Variants in ZNF718 observed in about 807,000 individuals in gnomAD.
The protein encoded by ZNF718 is zinc finger protein 718.
Under a neutral mutation model 2.6 loss-of-function variants are expected in ZNF718, and 3 were observed. That is an observed-to-expected ratio of 1.16 (90% confidence interval 0.53 to 3.01). ZNF718 has a LOEUF of 3.01. Ranked by LOEUF, ZNF718 falls within the 30% of genes most tolerant of loss-of-function variation. ZNF718 has a pLI of 0.03. For missense variants in ZNF718, 468 were observed against 230.0 expected (o/e 2.03, Z -6.69); for synonymous variants, 135 against 77.9 (o/e 1.73, Z -3.86).
intron 3 of ZNF718, among the ~76,000 whole-genome samples, chr4:192,949 C>T (rs371987525): frequency 6.6e-6 from 1 of 152,106 alleles, no homozygotes; most frequent in East Asian, 1.9e-4. Flanking sequence ...ATGATTTGGC[C>T]ATCTGATGGG....
intron 3 of ZNF718, among the ~76,000 whole-genome samples, chr4:133,198 AT>A (rs1715402638): frequency 0.046 from 870 of 19,118 alleles, 64 homozygotes; most frequent in Non-Finnish European, 0.066. Flanking sequence ...AAAAAAAAAT[AT>A]ATATATATAT....
intron 3 of ZNF718, among the ~76,000 whole-genome samples, chr4:197,295 G>A (rs1717810570): frequency 6.6e-6 from 1 of 151,858 alleles, no homozygotes; most frequent in South Asian, 2.1e-4. Context: ...CTGTGAGGTG[G>A]TGCAAAATAG....
At chr4:128,248 A>G (rs1371211308) in intron 1 of ZNF718, among the ~76,000 whole-genome samples, 42,171 of 102,222 alleles carry the variant, frequency 0.41, 16,977 homozygotes, top group East Asian at 0.82. Flanking sequence ...TGAGAGGTCA[A>G]TGTAGACATC....
chr4:172,794 A>G (rs1342942562), intron 3 of ZNF718, among the ~76,000 whole-genome samples: 1 of 152,032 alleles, frequency 6.6e-6, no homozygotes, highest in Non-Finnish European at 1.5e-5. Flanking sequence ...GGTGACTCTC[A>G]CCTGTAATCC....
rs140665069 is a variant in ZNF718, at chr4:133,893, C to T, written c.226+2388C>T. Among the ~76,000 whole-genome samples the T allele has an allele frequency of 3.7e-3, 569 of 152,226 alleles. 3 individuals are homozygous for T. The highest frequency in any genetic ancestry group is 0.013 in the African/African-American group (543 of 41,538). ...TCAAGTTAGTGAACACATCTATTAC[C>T]TCAGGTAGATAACCAGTTTTTTTGT... On this transcript the variant is annotated intron_variant, in intron 3 of 3. Transcript: ENST00000510175.
downstream of ZNF718, among the ~76,000 whole-genome samples, chr4:165,845 G>A (rs545054693): frequency 7.8e-4 from 99 of 126,774 alleles, 1 homozygote; most frequent in African/African-American, 2.8e-3. Flanking sequence ...GATATTTTAC[G>A]TTCTTTTTTT....
At chr4:160,347 G>GCACAA (rs1383763582) in intron 3 of ZNF718, among the ~76,000 whole-genome samples, 1 of 152,094 alleles carries the variant, frequency 6.6e-6, no homozygotes, top group Non-Finnish European at 1.5e-5. Flanking sequence ...TCTTGGAATT[G>GCACAA]TGCTTACCTG....
intron 3 of ZNF718, chr4:150,273 G>C (rs1268938422): frequency 6.6e-6 from 1 of 152,014 alleles, no homozygotes; most frequent in African/African-American, 2.4e-5. Context: ...TTGTTTCCAG[G>C]AATTGTCTTT....
At chr4:180,885 G>A (rs781843870) in intron 3 of ZNF718, among the ~76,000 whole-genome samples, 3 of 152,094 alleles carry the variant, frequency 2.0e-5, no homozygotes, top group Non-Finnish European at 4.4e-5. Flanking sequence ...TAACTCATAA[G>A]AGTTCTCTTA....
At chr4:143,859 A>G (rs1553810677) in intron 3 of ZNF718, among the ~76,000 whole-genome samples, 1 of 152,130 alleles carries the variant, frequency 6.6e-6, no homozygotes, top group African/African-American at 2.4e-5. Context: ...CCCAATAGAC[A>G]GGGACTATGC....
rs1553816256 is a variant in ZNF718 at position 164,011 on chromosome 4, A to G, written c.*1889A>G. The G allele has an allele frequency of 6.6e-6, 1 of 152,100 alleles. No homozygotes were observed. The highest frequency in any genetic ancestry group is 2.4e-5 in the African/African-American group (1 of 41,446). 9.4% of individuals were successfully genotyped at this position (152,100 alleles called of 1,614,324 possible). ...TCAAGCATTTATCCTTTGTATTACA[A>G]ACAATCCAATTATACACTTCATTTT... On this transcript the variant is annotated 3_prime_UTR_variant, in exon 4 of 4. Coordinates refer to ENST00000510175, the MANE Select transcript of ZNF718 (RefSeq NM_001039127.6).
At position 130,870 on chromosome 4, in the gene ZNF718, A is replaced by G. The variant is rs1354844194; in HGVS notation, c.86A>G (p.Tyr29Cys). The part of the protein sequence containing the change: ...KCLDTSQQNL[Y>C]RDVMLENYRN... ...CTGGACACTTCCCAGCAGAATTTAT[A>G]TAGAGATGTGATGTTGGAGAACTAC... Residue 29 changes from tyrosine to cysteine, a missense_variant, in exon 2 of 4, where the codon TAT becomes TGT. Transcript: ENST00000510175. 13 of 379,370 alleles carry G rather than the reference A, an allele frequency of 3.4e-5. 3 individuals carry two copies. The highest frequency in any genetic ancestry group is 6.1e-5 in the Non-Finnish European group (13 of 212,218). The allele number at this position is 379,370 out of a possible 1,614,324, so 23.5% of individuals were successfully genotyped here.
intron 3 of ZNF718, among the ~76,000 whole-genome samples, chr4:151,290 G>C (rs754084928): frequency 6.6e-6 from 1 of 151,296 alleles, no homozygotes; most frequent in Non-Finnish European, 1.5e-5. Flanking sequence ...TATTTTAGTA[G>C]AGACGGGGTT....
In ZNF718 at chr4:131,330, A is replaced by G. The variant is rs1174654955; in HGVS notation, c.131-80A>G. The G allele has an allele frequency of 8.4e-5, 21 of 249,182 alleles. 9 individuals are homozygous for G. In the East Asian group the frequency reaches 1.1e-3, roughly 13 times the overall value. The allele number at this position is 249,182 out of a possible 1,614,324, so 15.4% of individuals were successfully genotyped here. On this transcript the variant is annotated intron_variant, in intron 2 of 3. Transcript: ENST00000510175. ...TTCTAGAATCTTCCCTAATTTCTCT[A>G]TTCTACTTAGCATAGTACTAGGTTG...
chr4:200,031 C>G (rs1310450839), intron 3 of ZNF718, among the ~76,000 whole-genome samples: 2 of 152,102 alleles, frequency 1.3e-5, no homozygotes, highest in South Asian at 4.1e-4. Context: ...AATCTGTTTG[C>G]CAGTATGACT....
intron 3 of ZNF718, among the ~76,000 whole-genome samples, chr4:152,240 G>A (rs1344770859): frequency 2.1e-5 from 3 of 144,778 alleles, no homozygotes; most frequent in Non-Finnish European, 4.6e-5. Flanking sequence ...TGTCTCAACT[G>A]CAAGAGCCAT....
rs782305281 is a variant in ZNF718, at chr4:162,095, G to C, written c.1410G>C (p.Lys470Asn). 2.6e-6 allele frequency: 2 copies of C among 757,874 alleles called. No homozygotes were observed. Among genetic ancestry groups the C allele is most frequent in the Admixed American group, 1.9e-5 (1 of 53,396 alleles). 46.9% of individuals were successfully genotyped at this position (757,874 alleles called of 1,614,324 possible). A position where few individuals can be genotyped will look rare whatever the true frequency, so the allele number is the denominator to read the frequency against. The change falls in exon 4 of 4, where the codon AAG becomes AAC. Residue 470 changes from lysine to asparagine, a missense_variant. Transcript: ENST00000510175. ...FKQYSNLPQH[K>N]RTHTGGKF Reference sequence around the variant, plus strand: ...AGTACTCCAACCTTCCTCAACATAAGAGAACTCATACTGGAGGAAAATTTT... The same window carrying C: ...AGTACTCCAACCTTCCTCAACATAACAGAACTCATACTGGAGGAAAATTTT...
intron 3 of ZNF718, among the ~76,000 whole-genome samples, chr4:171,991 G>T (rs1343367802): frequency 1.3e-5 from 2 of 152,168 alleles, no homozygotes; most frequent in Non-Finnish European, 2.9e-5. Flanking sequence ...GGCTCCACCT[G>T]TCGAGATATT....
Position 150,256 on chromosome 4 carries a change from A to C in ZNF718, c.227-10656A>C, listed in dbSNP as rs370078689. 5 of 152,274 alleles carry C rather than the reference A, an allele frequency of 3.3e-5. No homozygotes were observed. The South Asian group carries it at 6.2e-4, about 19-fold the overall frequency. The allele number at this position is 152,274 out of a possible 1,614,324, so 9.4% of individuals were successfully genotyped here. A position where few individuals can be genotyped will look rare whatever the true frequency, so the allele number is the denominator to read the frequency against. ...ATCCGATACTGATCTGTAAAGGGAC[A>C]TTTGTGTTGTTTCCAGGAATTGTCT... On this transcript the variant is annotated intron_variant, in intron 3 of 3. Coordinates refer to ENST00000510175, the MANE Select transcript of ZNF718 (RefSeq NM_001039127.6).
Sources: gnomAD v4.1 joint callset for allele counts (sites outside exome capture counted in the v4.1 genomes callset) on GRCh38, gnomAD v4.1.1 for gene constraint, MANE v1.5 for transcripts, NCBI Gene and HGNC (gene_info 2026-07-23, HGNC 2026-07-21) for gene names.